The following CNTN5 variants were observed in gnomAD, a reference collection of about 807,000 sequenced individuals.
The protein encoded by CNTN5 is contactin-5.
CNTN5 carries 77 observed loss-of-function variants against 129.1 expected under a neutral mutation model. The ratio of observed to expected loss-of-function variants is 0.60; its 90% CI spans 0.50 to 0.72. CNTN5 has a LOEUF of 0.72. Ranked by LOEUF, CNTN5 falls within the 30% of genes least tolerant of loss-of-function variation. The probability of loss-of-function intolerance (pLI) is 0.00; values close to 1 mark genes in which losing one functional copy is unlikely to be tolerated. For missense variants in CNTN5, 1,478 were observed against 1,328.8 expected, an observed-to-expected ratio of 1.11 and a Z score of -1.75; for synonymous variants, 509 against 465.6, an observed-to-expected ratio of 1.09 and a Z score of -1.20.
At chr11:99,802,630 G>A (rs914252982) in intron 3 of CNTN5, among the ~76,000 whole-genome samples, 4 of 152,192 alleles carry the variant, frequency 2.6e-5, no homozygotes, top group African/African-American at 9.6e-5. Context: ...GTCTGCCTGT[G>A]CATTGACTGT....
chr11:99,707,172 T>G (rs1460233338), intron 3 of CNTN5, among the ~76,000 whole-genome samples: 1 of 151,516 alleles, frequency 6.6e-6, no homozygotes, highest in Non-Finnish European at 1.5e-5. Flanking sequence ...CAGTTTATGG[T>G]CTTTTTTTTT....
chr11:99,523,597 G>GATAGC (rs1947351952), intron 2 of CNTN5, among the ~76,000 whole-genome samples: 4 of 127,388 alleles, frequency 3.1e-5, no homozygotes, highest in Non-Finnish European at 5.0e-5. Flanking sequence ...CTCAAAGAAA[G>GATAGC]ATAGAATAGA....
intron 18 of CNTN5, among the ~76,000 whole-genome samples, chr11:100,287,191 T>C (rs1386633943): frequency 6.6e-6 from 1 of 152,150 alleles, no homozygotes; most frequent in African/African-American, 2.4e-5. Context: ...CTGCAGAATA[T>C]TATCCAGGAG....
At chr11:99,227,816 A>G (rs1338194416) in intron 1 of CNTN5, among the ~76,000 whole-genome samples, 1 of 152,268 alleles carries the variant, frequency 6.6e-6, no homozygotes, top group South Asian at 2.1e-4. Context: ...CAATTCAGGG[A>G]TATGTGATAC....
At chr11:99,534,298 A>G (rs1947820616) in intron 2 of CNTN5, among the ~76,000 whole-genome samples, 1 of 152,252 alleles carries the variant, frequency 6.6e-6, no homozygotes, top group African/African-American at 2.4e-5. Context: ...TTCAGCACCA[A>G]GCATATTATT....
At chr11:100,319,422 G>A (rs1951639319) in intron 21 of CNTN5, among the ~76,000 whole-genome samples, 1 of 151,982 alleles carries the variant, frequency 6.6e-6, no homozygotes, top group Non-Finnish European at 1.5e-5. Context: ...GAAAGTGCTG[G>A]GATTACAGGC....
intron 3 of CNTN5, among the ~76,000 whole-genome samples, chr11:99,729,349 T>C (rs752690897): frequency 1.6e-4 from 25 of 152,132 alleles, no homozygotes; most frequent in Non-Finnish European, 3.2e-4. Flanking sequence ...GTTTGTTATA[T>C]AGGTAAACTC....
chr11:100,052,334 G>A (rs1026231381), intron 9 of CNTN5, among the ~76,000 whole-genome samples: 2 of 151,610 alleles, frequency 1.3e-5, no homozygotes, highest in Admixed American at 6.6e-5. Flanking sequence ...CACACTTAAC[G>A]GGAGACCTGG....
At chr11:100,227,755 T>G (rs1159687172) in intron 16 of CNTN5, among the ~76,000 whole-genome samples, 1 of 152,170 alleles carries the variant, frequency 6.6e-6, no homozygotes, top group Non-Finnish European at 1.5e-5. Flanking sequence ...TTTTAGTCAC[T>G]TAAGTGTGCT....
At chr11:99,269,158 C>A (rs1407647237) in intron 1 of CNTN5, among the ~76,000 whole-genome samples, 1 of 151,830 alleles carries the variant, frequency 6.6e-6, no homozygotes, top group African/African-American at 2.4e-5. Context: ...TGCCTGGTGC[C>A]TTAGTCTTAT....
intron 1 of CNTN5, among the ~76,000 whole-genome samples, chr11:99,129,681 A>G (rs1325478827): frequency 6.6e-6 from 1 of 152,166 alleles, no homozygotes; most frequent in Non-Finnish European, 1.5e-5. Flanking sequence ...CAAGGTCAAA[A>G]TACAGGAAAA....
intron 3 of CNTN5, among the ~76,000 whole-genome samples, chr11:99,811,373 CATTT>C (rs1016613296): frequency 1.3e-5 from 2 of 151,120 alleles, no homozygotes; most frequent in African/African-American, 4.8e-5. Flanking sequence ...ATCATATTGA[CATTT>C]TATTTTATCT....
chr11:99,549,597 A>G (rs1263219865), intron 2 of CNTN5, among the ~76,000 whole-genome samples: 1 of 152,088 alleles, frequency 6.6e-6, no homozygotes, highest in Non-Finnish European at 1.5e-5. Flanking sequence ...AATATTTTAT[A>G]ATATTCTCTG....
chr11:99,995,836 C>G (rs1179967244), intron 8 of CNTN5, among the ~76,000 whole-genome samples: 5 of 152,142 alleles, frequency 3.3e-5, no homozygotes, highest in Non-Finnish European at 7.3e-5. Context: ...CCAAAATCCA[C>G]CAGGCCTCAG....
intron 18 of CNTN5, among the ~76,000 whole-genome samples, chr11:100,283,357 T>C (rs1950684224): frequency 1.3e-5 from 2 of 152,106 alleles, no homozygotes; most frequent in South Asian, 2.1e-4. Context: ...GGGAGGAAGG[T>C]ATCTCTTATG....
intron 3 of CNTN5, among the ~76,000 whole-genome samples, chr11:99,798,356 A>G (rs1228406313): frequency 6.6e-6 from 1 of 152,174 alleles, no homozygotes; most frequent in Non-Finnish European, 1.5e-5. Context: ...CCTCAAGTCT[A>G]CTGTCCAGAA....
At chr11:99,417,786 C>T (rs183811561) in intron 2 of CNTN5, among the ~76,000 whole-genome samples, 70 of 152,174 alleles carry the variant, frequency 4.6e-4, no homozygotes, top group Non-Finnish European at 7.1e-4. Flanking sequence ...AATTATAAAT[C>T]ACATTCTTTG....
chr11:99,780,930 A>G (rs1301998253), intron 3 of CNTN5, among the ~76,000 whole-genome samples: 5 of 152,050 alleles, frequency 3.3e-5, no homozygotes, highest in African/African-American at 1.2e-4. Context: ...TTTGTAGATC[A>G]GGAAGGGAAA....
At chr11:100,118,220 T>A (rs980298295) in intron 13 of CNTN5, among the ~76,000 whole-genome samples, 11 of 152,014 alleles carry the variant, frequency 7.2e-5, no homozygotes, top group Admixed American at 7.2e-4. Flanking sequence ...TACTTTTTAA[T>A]AACATTTCTG....
Sources: allele counts gnomAD v4.1 joint callset (sites outside exome capture counted in the v4.1 genomes callset), GRCh38; gene constraint gnomAD v4.1.1; transcripts MANE v1.5; gene names NCBI Gene and HGNC (gene_info 2026-07-23, HGNC 2026-07-21).